The following PHF2 variants were observed in gnomAD, a reference collection of about 807,000 sequenced individuals.
PHF2 encodes the protein lysine-specific demethylase PHF2.
In PHF2, 27 loss-of-function variants were observed where a neutral mutation model predicts 120.5. The observed-to-expected ratio is 0.22, with a 90% CI of 0.17 to 0.31. The LOEUF is 0.31. Among genes scored for constraint, PHF2 ranks in the 10% least tolerant of loss-of-function variants. The pLI, the probability that PHF2 is intolerant of heterozygous loss-of-function variation, is 1.00. For synonymous variants in PHF2, 568 were observed against 592.5 expected, an observed-to-expected ratio of 0.96 and a Z score of 0.60; for missense variants, 1,024 against 1,434.8, an observed-to-expected ratio of 0.71 and a Z score of 4.63.
intron 1 of PHF2, among the ~76,000 whole-genome samples, chr9:93,590,480 C>T (rs968201694): frequency 3.9e-5 from 6 of 152,238 alleles, no homozygotes; most frequent in Non-Finnish European, 8.8e-5. Flanking sequence ...CCTGGATGCT[C>T]AGTCCACAGA....
At chr9:93,626,747 A>G (rs1268674176) in intron 1 of PHF2, among the ~76,000 whole-genome samples, 1 of 152,106 alleles carries the variant, frequency 6.6e-6, no homozygotes, top group Non-Finnish European at 1.5e-5. Context: ...TTTCTAGTTA[A>G]TTTTTGTATG....
chr9:93,675,275 C>G (rs1206458487), intron 19 of PHF2, among the ~76,000 whole-genome samples: 1 of 152,254 alleles, frequency 6.6e-6, no homozygotes, highest in Non-Finnish European at 1.5e-5. Flanking sequence ...AGCCCTCACT[C>G]CTCTGGCTGG....
intron 1 of PHF2, among the ~76,000 whole-genome samples, chr9:93,614,556 T>C (rs1050461066): frequency 1.3e-4 from 20 of 152,178 alleles, no homozygotes; most frequent in Non-Finnish European, 2.5e-4. Context: ...AGCCCCTCCA[T>C]CCTTTCTTTA....
In PHF2 at chr9:93,656,600, T is replaced by C. The variant is rs375347342; in HGVS notation, c.1147+5T>C. 4.1e-4 allele frequency: 660 copies of C among 1,605,338 alleles called. No individual in the cohort carries two copies. The highest frequency in any genetic ancestry group is 4.8e-4 in the Non-Finnish European group (567 of 1,172,624). On this transcript the variant is annotated splice_donor_5th_base_variant and intron_variant, in intron 9 of 21. Transcript: ENST00000359246. This position sits in a 1 kb window ranked among gnomAD's most constrained non-coding sequence, Gnocchi z 4.1. ...ACCTGCTGGAGGCATTCAAAGGTAC[T>C]GGTCACTCCGGGGTGGGCGTCCAAG...
intron 1 of PHF2, among the ~76,000 whole-genome samples, 187 bp downstream of exon 1, chr9:93,577,058 G>C (rs1007496895): frequency 3.4e-5 from 5 of 146,602 alleles, no homozygotes; most frequent in African/African-American, 4.9e-5. Flanking sequence ...TGTGCCCAGG[G>C]CGGGGGCGCC....
chr9:93,676,446 C>T (rs1826911894), intron 20 of PHF2, 148 bp from the exon 21 acceptor site: 1 of 864,240 alleles, frequency 1.2e-6, no homozygotes. Flanking sequence ...CATGCTGTGC[C>T]CCTGGCGGCC....
chr9:93,582,732 GA>G (rs1406058957), intron 1 of PHF2, among the ~76,000 whole-genome samples: 2 of 152,184 alleles, frequency 1.3e-5, no homozygotes, highest in Non-Finnish European at 2.9e-5. Flanking sequence ...CATAGGAACT[GA>G]AAAATCTTTG....
At chr9:93,652,466 T>A (rs1206325685) in intron 5 of PHF2, among the ~76,000 whole-genome samples, 1 of 151,866 alleles carries the variant, frequency 6.6e-6, no homozygotes, top group Non-Finnish European at 1.5e-5. Context: ...CTAGTTTTTA[T>A]GTTTTTAGTA....
chr9:93,634,735 C>T (rs1397571084), intron 2 of PHF2, among the ~76,000 whole-genome samples: 1 of 152,252 alleles, frequency 6.6e-6, no homozygotes, highest in East Asian at 1.9e-4. Context: ...TGCTCGCAGA[C>T]ACTCCCCCTG....
intron 1 of PHF2, among the ~76,000 whole-genome samples, chr9:93,601,929 T>C (rs1252427970): frequency 4.9e-5 from 6 of 121,772 alleles, no homozygotes; most frequent in Non-Finnish European, 1.0e-4. Flanking sequence ...AGGATGGGAG[T>C]GCGGGGGTGG....
chr9:93,636,555 C>T, intron 3 of PHF2, 30 bp downstream of exon 3: 1 of 1,439,176 alleles, frequency 6.9e-7, no homozygotes, highest in Non-Finnish European at 9.6e-7. Flanking sequence ...TGCTCCACCA[C>T]CTGCAGCCAG....
chr9:93,653,411 C>T, intron 6 of PHF2, 46 bp downstream of exon 6: 1 of 1,587,954 alleles, frequency 6.3e-7, no homozygotes, highest in Non-Finnish European at 8.6e-7. Flanking sequence ...ATGGCCATGA[C>T]CCATCTGCAG....
At chr9:93,657,599 A>G (rs1165392902) in intron 9 of PHF2, among the ~76,000 whole-genome samples, 3 of 152,098 alleles carry the variant, frequency 2.0e-5, no homozygotes, top group African/African-American at 7.2e-5. Flanking sequence ...GGCCCCCAGG[A>G]CTGAGAGGAC....
At chr9:93,603,887 T>C (rs1029400883) in intron 1 of PHF2, among the ~76,000 whole-genome samples, 4 of 152,204 alleles carry the variant, frequency 2.6e-5, no homozygotes, top group African/African-American at 9.6e-5. Context: ...TCTCCTTAAA[T>C]GCTCACCTTC....
intron 3 of PHF2, 74 bp from the exon 4 acceptor site, chr9:93,645,555 A>C: frequency 7.0e-7 from 1 of 1,430,476 alleles, no homozygotes; most frequent in South Asian, 1.5e-5. Context: ...TCCAGCACCG[A>C]GGCCCTGTCC....
rs1012888277 is a variant in PHF2, at chr9:93,656,768, C to G, written c.1147+173C>G. Among the ~76,000 whole-genome samples, 1 of 152,146 alleles carries G rather than the reference C, an allele frequency of 6.6e-6. No individual in the cohort carries two copies. Among genetic ancestry groups the G allele is most frequent in the Non-Finnish European group, 1.5e-5 (1 of 68,024 alleles). On this transcript the variant is annotated intron_variant, in intron 9 of 21. Coordinates refer to ENST00000359246, the MANE Select transcript of PHF2 (RefSeq NM_005392.4). The surrounding 1 kb of genome is among the most constrained non-coding windows in gnomAD (Gnocchi z 4.1). ...GTTTCCCCATCTGTATAATGCAGGACTAGATTGAACAGGCTGGGCCTCTCC... is the reference window on the plus strand; with the variant it reads ...GTTTCCCCATCTGTATAATGCAGGAGTAGATTGAACAGGCTGGGCCTCTCC...
intron 1 of PHF2, among the ~76,000 whole-genome samples, chr9:93,623,690 A>T (rs898184617): frequency 1.3e-5 from 2 of 152,232 alleles, no homozygotes; most frequent in Non-Finnish European, 2.9e-5. Context: ...GCAGAAAAAT[A>T]TTCCCTCATG....
At chr9:93,666,416 T>G (rs570269013) in intron 16 of PHF2, among the ~76,000 whole-genome samples, 1 of 152,324 alleles carries the variant, frequency 6.6e-6, no homozygotes, top group African/African-American at 2.4e-5. Flanking sequence ...TTTACATGTG[T>G]TACACACTGG....
intron 1 of PHF2, among the ~76,000 whole-genome samples, chr9:93,608,337 T>TATA (rs771676197): frequency 4.5e-5 from 6 of 134,492 alleles, no homozygotes; most frequent in Non-Finnish European, 8.3e-5. Flanking sequence ...TAATAATAAT[T>TATA]ATTATTTTTG....
Sources: gnomAD v4.1 joint callset for allele counts (sites outside exome capture counted in the v4.1 genomes callset) on GRCh38, gnomAD v4.1.1 for gene constraint, Gnocchi (gnomAD v3.1) non-coding constraint, MANE v1.5 for transcripts, NCBI Gene and HGNC (gene_info 2026-07-23, HGNC 2026-07-21) for gene names.